The following SGCZ variants were observed in gnomAD, a reference collection of about 807,000 sequenced individuals.
SGCZ encodes zeta-sarcoglycan.
A neutral mutation model predicts 41.3 loss-of-function variants in SGCZ; 40 were observed. The ratio of observed to expected loss-of-function variants is 0.97; its 90% CI spans 0.75 to 1.26. SGCZ has a LOEUF of 1.26. Ranked by LOEUF, SGCZ falls within the 50% of genes most tolerant of loss-of-function variation. The pLI, the probability that SGCZ is intolerant of heterozygous loss-of-function variation, is 0.00. For missense variants in SGCZ, 552 were observed against 369.8 expected, an observed-to-expected ratio of 1.49 and a Z score of -4.04; for synonymous variants, 206 against 137.5, an observed-to-expected ratio of 1.50 and a Z score of -3.49.
intron 1 of SGCZ, among the ~76,000 whole-genome samples, chr8:14,904,878 G>C (rs898717414): frequency 6.6e-6 from 1 of 151,546 alleles, no homozygotes; most frequent in Non-Finnish European, 1.5e-5. Context: ...TTCTTCCTTA[G>C]ATAACCATTC....
At chr8:15,015,541 G>C (rs535084149) in intron 1 of SGCZ, among the ~76,000 whole-genome samples, 1 of 151,816 alleles carries the variant, frequency 6.6e-6, no homozygotes, top group South Asian at 2.1e-4. Flanking sequence ...TAAAAAATTA[G>C]GCGAGTGTGA....
At chr8:14,103,613 G>A (rs1214872138) in intron 6 of SGCZ, among the ~76,000 whole-genome samples, 1 of 152,030 alleles carries the variant, frequency 6.6e-6, no homozygotes, top group African/African-American at 2.4e-5. Context: ...GGAAGGAGTA[G>A]AGCCAGCATT....
chr8:14,561,829 A>G (rs1313083339), intron 1 of SGCZ, among the ~76,000 whole-genome samples: 2 of 152,200 alleles, frequency 1.3e-5, no homozygotes, highest in South Asian at 2.1e-4. Flanking sequence ...AATAATGTAA[A>G]TAACATTTCT....
intron 2 of SGCZ, among the ~76,000 whole-genome samples, chr8:14,425,769 T>G (rs2117319655): frequency 6.6e-6 from 1 of 152,266 alleles, no homozygotes; most frequent in East Asian, 1.9e-4. Context: ...TTCTATAACT[T>G]AAGAAGTAGT....
intron 1 of SGCZ, among the ~76,000 whole-genome samples, chr8:14,639,038 C>T (rs1163232675): frequency 1.5e-5 from 2 of 137,642 alleles, no homozygotes; most frequent in African/African-American, 2.7e-5. Context: ...AAACTGGAAT[C>T]TTTTTTTTTT....
At chr8:15,049,171 A>G (rs950450130) in intron 1 of SGCZ, among the ~76,000 whole-genome samples, 2 of 152,182 alleles carry the variant, frequency 1.3e-5, no homozygotes, top group Admixed American at 6.6e-5. Context: ...GCAGAGAATA[A>G]CTGGAAGGAG....
At chr8:15,226,620 T>C (rs1035000527) in intron 1 of SGCZ, among the ~76,000 whole-genome samples, 1 of 152,126 alleles carries the variant, frequency 6.6e-6, no homozygotes, top group African/African-American at 2.4e-5. Context: ...TTCCACTCTT[T>C]CCCAACTTAT....
intron 1 of SGCZ, among the ~76,000 whole-genome samples, chr8:14,849,116 A>G (rs1239531610): frequency 6.6e-6 from 1 of 152,174 alleles, no homozygotes; most frequent in East Asian, 1.9e-4. Flanking sequence ...GCAATTTAAA[A>G]TCACAATTAG....
intron 2 of SGCZ, among the ~76,000 whole-genome samples, chr8:14,447,805 T>C (rs1021840313): frequency 3.9e-5 from 6 of 152,188 alleles, no homozygotes; most frequent in Non-Finnish European, 8.8e-5. Flanking sequence ...TAAATGACTT[T>C]GCATTGTTTG....
At chr8:15,227,284 G>A (rs1801808110) in intron 1 of SGCZ, among the ~76,000 whole-genome samples, 1 of 152,114 alleles carries the variant, frequency 6.6e-6, no homozygotes. Flanking sequence ...TTTTCTCGTG[G>A]CATACACAAA....
At chr8:14,160,381 C>G (rs2014581) in intron 5 of SGCZ, among the ~76,000 whole-genome samples, 1 of 151,924 alleles carries the variant, frequency 6.6e-6, no homozygotes. Context: ...AAGAGACTTC[C>G]GTGTGTAAAG....
chr8:14,940,277 A>G (rs967632243), intron 1 of SGCZ, among the ~76,000 whole-genome samples: 1 of 152,190 alleles, frequency 6.6e-6, no homozygotes, highest in African/African-American at 2.4e-5. Flanking sequence ...CTACAGTGAC[A>G]AAAATATAGC....
intron 1 of SGCZ, among the ~76,000 whole-genome samples, chr8:14,827,126 C>T (rs1257614585): frequency 1.3e-5 from 2 of 150,960 alleles, no homozygotes; most frequent in African/African-American, 4.9e-5. Context: ...TACCAGACCA[C>T]CTTTCAGCAT....
chr8:14,099,562 T>C (rs1245762603), intron 7 of SGCZ, among the ~76,000 whole-genome samples: 2 of 152,012 alleles, frequency 1.3e-5, no homozygotes, highest in African/African-American at 2.4e-5. Context: ...CTGTCTCTTC[T>C]AAAAGTACAA....
intron 1 of SGCZ, among the ~76,000 whole-genome samples, chr8:14,828,434 C>T (rs1802414174): frequency 6.6e-6 from 1 of 152,194 alleles, no homozygotes; most frequent in Admixed American, 6.5e-5. Context: ...GTTAAGCAAA[C>T]TCTACTTGAT....
intron 1 of SGCZ, among the ~76,000 whole-genome samples, chr8:14,736,875 G>C (rs1037677044): frequency 6.6e-6 from 1 of 151,794 alleles, no homozygotes; most frequent in African/African-American, 2.4e-5. Flanking sequence ...CCACTACCGG[G>C]TATCTACCCA....
At chr8:14,264,058 T>C (rs779432948) in intron 3 of SGCZ, among the ~76,000 whole-genome samples, 7 of 152,192 alleles carry the variant, frequency 4.6e-5, no homozygotes, top group Non-Finnish European at 8.8e-5. Context: ...CCCAGCAGTA[T>C]GGTCTCATGT....
At chr8:14,314,615 A>G (rs1025536173) in intron 3 of SGCZ, among the ~76,000 whole-genome samples, 1 of 152,144 alleles carries the variant, frequency 6.6e-6, no homozygotes, top group African/African-American at 2.4e-5. Flanking sequence ...TTTAATGTTA[A>G]AAAGAATTTG....
At chr8:14,380,683 C>T (rs1304598593) in intron 2 of SGCZ, among the ~76,000 whole-genome samples, 1 of 152,072 alleles carries the variant, frequency 6.6e-6, no homozygotes. Flanking sequence ...GAATCCCAGT[C>T]TCTATGAAAA....
Sources: gnomAD v4.1 joint callset for allele counts (sites outside exome capture counted in the v4.1 genomes callset) on GRCh38, gnomAD v4.1.1 for gene constraint, MANE v1.5 for transcripts, NCBI Gene and HGNC (gene_info 2026-07-23, HGNC 2026-07-21) for gene names.